ADAMTSL1: variants seen among roughly 807,000 people sequenced by gnomAD.
ADAMTSL1 encodes ADAMTS like 1, also known as ADAMTS-like protein 1.
In ADAMTSL1, 126 loss-of-function variants were observed where a neutral mutation model predicts 201.8. The ratio of observed to expected loss-of-function variants is 0.62; its 90% CI spans 0.54 to 0.72. The LOEUF is 0.72. ADAMTSL1 is among the 30% of genes least tolerant of loss of function. ADAMTSL1 has a pLI of 0.00. For missense variants in ADAMTSL1, 2,679 were observed against 2,277.8 expected, an observed-to-expected ratio of 1.18 and a Z score of -3.59; for synonymous variants, 1,121 against 903.4, an observed-to-expected ratio of 1.24 and a Z score of -4.32.
chr9:18,878,716 T>C (rs1216798021), intron 23 of ADAMTSL1, among the ~76,000 whole-genome samples: 2 of 152,244 alleles, frequency 1.3e-5, no homozygotes, highest in East Asian at 3.8e-4. Context: ...GGTATGTTCC[T>C]GTGGTAGTTC....
intron 21 of ADAMTSL1, among the ~76,000 whole-genome samples, chr9:18,825,774 T>G (rs960955807): frequency 2.0e-5 from 3 of 151,418 alleles, no homozygotes; most frequent in African/African-American, 7.3e-5. Context: ...TTACCAGGTT[T>G]TTTTTTTTTT....
intron 3 of ADAMTSL1, among the ~76,000 whole-genome samples, chr9:18,540,864 G>A (rs1310166851): frequency 2.0e-5 from 3 of 152,118 alleles, no homozygotes; most frequent in African/African-American, 7.2e-5. Flanking sequence ...CCTAATAAAT[G>A]TGCCAAATCC....
At chr9:18,852,644 G>A (rs926257431) in intron 23 of ADAMTSL1, among the ~76,000 whole-genome samples, 4 of 152,102 alleles carry the variant, frequency 2.6e-5, no homozygotes, top group Non-Finnish European at 5.9e-5. Context: ...TCAAGAAAAA[G>A]GAAAGGACTT....
At chr9:18,873,671 T>C (rs1299125530) in intron 23 of ADAMTSL1, among the ~76,000 whole-genome samples, 1 of 152,212 alleles carries the variant, frequency 6.6e-6, no homozygotes, top group Non-Finnish European at 1.5e-5. Context: ...TGCCTATTTT[T>C]ATACCAGTAC....
chr9:18,516,189 G>T (rs1044931676), intron 2 of ADAMTSL1, among the ~76,000 whole-genome samples: 2 of 151,748 alleles, frequency 1.3e-5, no homozygotes, highest in Non-Finnish European at 2.9e-5. Context: ...AAATAGAAAA[G>T]AGTTATCTGA....
Position 18,908,843 on chromosome 9 carries a change from C to T in ADAMTSL1, c.*295C>T, listed in dbSNP as rs1713337070. ...CTTGAAGAGCTTCCTCCCTCCCAAA[C>T]CTGGGTCTCAAAGACCTAGAAAGAG... On this transcript the variant is annotated 3_prime_UTR_variant, in exon 29 of 29. Transcript: ENST00000380548. The T allele has an allele frequency of 1.4e-5, 4 of 288,382 alleles. No individual in the cohort carries two copies. The South Asian group carries it at 2.1e-4, about 15-fold the overall frequency. The allele number at this position is 288,382 out of a possible 1,614,324, so 17.9% of individuals were successfully genotyped here.
chr9:18,197,318 A>G (rs1002720870), intron 2 of ADAMTSL1, among the ~76,000 whole-genome samples: 2 of 151,968 alleles, frequency 1.3e-5, no homozygotes, highest in Admixed American at 1.3e-4. Context: ...TGAGCATGGA[A>G]TGTTCTTCCA....
chr9:18,706,903 C>A lies in ADAMTSL1; in HGVS notation c.1731C>A (p.Ala577=). 1 of 1,613,986 alleles carries A rather than the reference C, an allele frequency of 6.2e-7. No homozygotes were observed. The highest frequency in any genetic ancestry group is 2.2e-5 in the East Asian group (1 of 44,870). ...GGCCCAAGCCAGCATCCCAGCGTGC[C>A]TGTTATGCAGGCCCATGCAGCGGGG... ...CEGPKPASQR[A]CYAGPCSGEI... is the part of the protein sequence containing the mutation. Residue 577 remains alanine, a synonymous_variant, in exon 14 of 29, where the codon GCC becomes GCA. Transcript: ENST00000380548.
At chr9:18,522,346 G>A (rs1818749495) in intron 2 of ADAMTSL1, among the ~76,000 whole-genome samples, 1 of 152,172 alleles carries the variant, frequency 6.6e-6, no homozygotes, top group South Asian at 2.1e-4. Flanking sequence ...AAAATGAAAA[G>A]AAGCTGACAG....
At chr9:18,606,641 G>A (rs1825032841) in intron 4 of ADAMTSL1, among the ~76,000 whole-genome samples, 2 of 152,068 alleles carry the variant, frequency 1.3e-5, no homozygotes, top group African/African-American at 4.8e-5. Context: ...GGTGATATAG[G>A]CAGTTGCTTT....
At chr9:18,528,201 T>C (rs1040666011) in intron 2 of ADAMTSL1, among the ~76,000 whole-genome samples, 4 of 152,078 alleles carry the variant, frequency 2.6e-5, no homozygotes, top group African/African-American at 9.7e-5. Context: ...TTATTTTTAT[T>C]TTATTTTAAG....
intron 1 of ADAMTSL1, among the ~76,000 whole-genome samples, chr9:18,492,444 C>A (rs1822313597): frequency 6.6e-6 from 1 of 152,046 alleles, no homozygotes; most frequent in Non-Finnish European, 1.5e-5. Context: ...TTAGGATCTG[C>A]CATAGGTTCT....
chr9:18,676,288 TA>T (rs1830124639), intron 10 of ADAMTSL1, among the ~76,000 whole-genome samples: 1 of 152,120 alleles, frequency 6.6e-6, no homozygotes, highest in South Asian at 2.1e-4. Flanking sequence ...AAACACTGCC[TA>T]AAGTATTATT....
At chr9:18,896,880 T>A (rs866261048) in intron 26 of ADAMTSL1, among the ~76,000 whole-genome samples, 3 of 152,122 alleles carry the variant, frequency 2.0e-5, no homozygotes, top group South Asian at 4.2e-4. Flanking sequence ...ACAAGCAGCA[T>A]CATTCTGCAG....
chr9:18,435,540 G>A (rs1184929329), intron 2 of ADAMTSL1, among the ~76,000 whole-genome samples: 1 of 152,218 alleles, frequency 6.6e-6, no homozygotes, highest in African/African-American at 2.4e-5. Context: ...GATCGATTTG[G>A]TTAGCTAGGA....
chr9:18,264,818 C>G (rs1273153327), intron 2 of ADAMTSL1, among the ~76,000 whole-genome samples: 3 of 152,150 alleles, frequency 2.0e-5, no homozygotes, highest in Admixed American at 6.5e-5. Flanking sequence ...GTTGGAGGCT[C>G]TGGACTCAGA....
chr9:18,377,590 G>A (rs1410277561), intron 2 of ADAMTSL1, among the ~76,000 whole-genome samples: 4 of 152,120 alleles, frequency 2.6e-5, no homozygotes, highest in Non-Finnish European at 5.9e-5. Flanking sequence ...TTGTTTCTGA[G>A]ACAGAGTCTC....
chr9:18,370,635 C>A (rs1837002599), intron 2 of ADAMTSL1, among the ~76,000 whole-genome samples: 1 of 150,504 alleles, frequency 6.6e-6, no homozygotes, highest in Non-Finnish European at 1.5e-5. Context: ...AGCAGTATGT[C>A]CCCTTTTGGG....
At chr9:18,840,003 G>T (rs545806528) in intron 23 of ADAMTSL1, among the ~76,000 whole-genome samples, 4 of 150,294 alleles carry the variant, frequency 2.7e-5, no homozygotes, top group East Asian at 1.9e-4. Flanking sequence ...CAATCTGATG[G>T]TAGTTTCTTT....
Sources: gnomAD v4.1 joint callset for allele counts (sites outside exome capture counted in the v4.1 genomes callset) on GRCh38, gnomAD v4.1.1 for gene constraint, MANE v1.5 for transcripts, NCBI Gene and HGNC (gene_info 2026-07-23, HGNC 2026-07-21) for gene names.